LRRC4C: variants seen among roughly 807,000 people sequenced by gnomAD.
The protein encoded by LRRC4C is leucine rich repeat containing 4C.
In LRRC4C, 5 loss-of-function variants were observed where a neutral mutation model predicts 33.6. The ratio of observed to expected loss-of-function variants is 0.15; its 90% confidence interval spans 0.08 to 0.31. The LOEUF is 0.31. LRRC4C is among the 10% of genes least tolerant of loss of function. The pLI is 1.00. For synonymous variants in LRRC4C, 329 were observed against 302.0 expected (o/e 1.09, Z -0.93); for missense variants, 560 against 796.7 (o/e 0.70, Z 3.58).
chr11:40,307,935 T>C (rs1945120538), intron 4 of LRRC4C, among the ~76,000 whole-genome samples: 1 of 152,252 alleles, frequency 6.6e-6, no homozygotes, highest in Admixed American at 6.5e-5. Flanking sequence ...CTGTTTCTCT[T>C]TGCACATGTA....
At chr11:40,157,461 A>C (rs1167033442) in intron 5 of LRRC4C, among the ~76,000 whole-genome samples, 1 of 152,232 alleles carries the variant, frequency 6.6e-6, no homozygotes, top group Non-Finnish European at 1.5e-5. Context: ...CAGTCAGCAA[A>C]GTAACCAGAC....
intron 2 of LRRC4C, among the ~76,000 whole-genome samples, chr11:40,672,818 T>C (rs1944195715): frequency 6.6e-6 from 1 of 152,184 alleles, no homozygotes. Context: ...AATAGCCAAT[T>C]TGTAATATAG....
At chr11:40,529,333 T>A (rs1404666404) in intron 3 of LRRC4C, among the ~76,000 whole-genome samples, 1 of 152,084 alleles carries the variant, frequency 6.6e-6, no homozygotes, top group Non-Finnish European at 1.5e-5. Flanking sequence ...ATATTTATGT[T>A]AAATAAATCT....
intron 3 of LRRC4C, among the ~76,000 whole-genome samples, chr11:40,426,711 G>C (rs1950729727): frequency 6.6e-6 from 1 of 152,192 alleles, no homozygotes; most frequent in African/African-American, 2.4e-5. Flanking sequence ...GTTCATGAAT[G>C]TATCCTGAAT....
chr11:40,165,138 G>T (rs1210309244), intron 5 of LRRC4C, among the ~76,000 whole-genome samples: 1 of 152,088 alleles, frequency 6.6e-6, no homozygotes, highest in Admixed American at 6.6e-5. Flanking sequence ...ATACAACTAG[G>T]TGTATAATTG....
intron 2 of LRRC4C, among the ~76,000 whole-genome samples, chr11:40,921,424 A>T (rs1164002236): frequency 6.6e-6 from 1 of 152,174 alleles, no homozygotes; most frequent in East Asian, 1.9e-4. Context: ...AGCCAGGAGA[A>T]AAAGCTCAGT....
chr11:40,827,796 C>A (rs1438841924), intron 2 of LRRC4C, among the ~76,000 whole-genome samples: 2 of 151,554 alleles, frequency 1.3e-5, no homozygotes, highest in Non-Finnish European at 3.0e-5. Context: ...TTCCAGATGG[C>A]AAATTGTATA....
At chr11:40,336,792 C>A (rs1329594442) in intron 3 of LRRC4C, among the ~76,000 whole-genome samples, 1 of 151,766 alleles carries the variant, frequency 6.6e-6, no homozygotes, top group African/African-American at 2.4e-5. Context: ...CTGGCTAACA[C>A]GGTGAAACCC....
chr11:41,083,725 G>A (rs1440061167), intron 1 of LRRC4C, among the ~76,000 whole-genome samples: 1 of 152,138 alleles, frequency 6.6e-6, no homozygotes, highest in East Asian at 1.9e-4. Context: ...CCTTGGATTT[G>A]GACAACCCAT....
intron 3 of LRRC4C, among the ~76,000 whole-genome samples, chr11:40,594,213 C>T (rs1959171944): frequency 6.6e-6 from 1 of 152,172 alleles, no homozygotes; most frequent in Admixed American, 6.5e-5. Context: ...GCTGGGAAAG[C>T]TAGAAGGAGC....
At chr11:40,611,536 G>C (rs541198006) in intron 3 of LRRC4C, among the ~76,000 whole-genome samples, 1 of 151,772 alleles carries the variant, frequency 6.6e-6, no homozygotes. Context: ...CAAACTAATC[G>C]CTTCTGCACA....
chr11:40,408,794 T>A (rs1950052257), intron 3 of LRRC4C, among the ~76,000 whole-genome samples: 1 of 151,958 alleles, frequency 6.6e-6, no homozygotes, highest in South Asian at 2.1e-4. Context: ...ATATTTTGTG[T>A]TCATGGATTG....
At chr11:40,397,663 C>T (rs146906808) in intron 3 of LRRC4C, among the ~76,000 whole-genome samples, 64 of 152,080 alleles carry the variant, frequency 4.2e-4, no homozygotes, top group African/African-American at 1.4e-3. Flanking sequence ...GCTGTTTCTA[C>T]ATAGAATGAA....
chr11:41,198,173 C>T (rs1946260636), intron 1 of LRRC4C, among the ~76,000 whole-genome samples: 1 of 151,700 alleles, frequency 6.6e-6, no homozygotes, highest in Non-Finnish European at 1.5e-5. Context: ...ATTTTTGAAC[C>T]ATTAAAACCA....
intron 4 of LRRC4C, among the ~76,000 whole-genome samples, chr11:40,249,176 AAAAAATAC>A (rs1385924884): frequency 6.6e-6 from 1 of 151,882 alleles, no homozygotes; most frequent in Non-Finnish European, 1.5e-5. Context: ...CATCTCTACT[AAAAAATAC>A]AAAAATTAGC....
At chr11:40,648,064 T>C (rs1234365406) in intron 3 of LRRC4C, 78 bp downstream of exon 3, 4 of 152,148 alleles carry the variant, frequency 2.6e-5, no homozygotes, top group Non-Finnish European at 4.4e-5. Flanking sequence ...ATTATAATGA[T>C]CTGAAATGTA....
intron 1 of LRRC4C, among the ~76,000 whole-genome samples, chr11:41,106,015 T>A (rs1941471317): frequency 6.6e-6 from 1 of 152,134 alleles, no homozygotes; most frequent in Admixed American, 6.6e-5. Context: ...CATCCTTTTT[T>A]TCTTGATCCA....
chr11:40,191,006 G>A (rs1861796154), intron 5 of LRRC4C, among the ~76,000 whole-genome samples: 1 of 152,122 alleles, frequency 6.6e-6, no homozygotes, highest in Admixed American at 6.5e-5. Flanking sequence ...TCTAGTCAGG[G>A]AAAAGGCAGC....
intron 3 of LRRC4C, among the ~76,000 whole-genome samples, chr11:40,334,262 G>A (rs1946496015): frequency 6.6e-6 from 1 of 151,956 alleles, no homozygotes; most frequent in South Asian, 2.1e-4. Context: ...GGGAACATTT[G>A]CTTAGCAAGG....
Sources: gnomAD v4.1 joint callset for allele counts (sites outside exome capture counted in the v4.1 genomes callset) on GRCh38, gnomAD v4.1.1 for gene constraint, MANE v1.5 for transcripts, NCBI Gene and HGNC (gene_info 2026-07-23, HGNC 2026-07-21) for gene names.